PPP1R11: variants seen among roughly 807,000 people sequenced by gnomAD.
PPP1R11 encodes protein phosphatase 1 regulatory inhibitor subunit 11, also known as E3 ubiquitin-protein ligase PPP1R11.
In PPP1R11, 10 loss-of-function variants were observed where a neutral mutation model predicts 11.3. That is an observed-to-expected ratio of 0.88 (90% CI 0.55 to 1.50). The LOEUF is 1.50. PPP1R11 is among the 40% of genes most tolerant of loss of function. The pLI is 0.00. For synonymous variants in PPP1R11, 56 were observed against 62.3 expected, an observed-to-expected ratio of 0.90 and a Z score of 0.48; for missense variants, 114 against 179.1, an observed-to-expected ratio of 0.64 and a Z score of 2.07.
intron 2 of PPP1R11, among the ~76,000 whole-genome samples, 181 bp downstream of exon 2, chr6:30,068,879 T>G (rs971499078): frequency 6.6e-6 from 1 of 152,066 alleles, no homozygotes; most frequent in African/African-American, 2.4e-5. Flanking sequence ...ATTGCCTAGG[T>G]CTGACAGCAA....
rs1387029031 is a variant in PPP1R11, at chr6:30,070,085, G to C, written c.*779G>C. On this transcript the variant is annotated 3_prime_UTR_variant, in exon 3 of 3. Coordinates refer to ENST00000376772, the MANE Select transcript of PPP1R11 (RefSeq NM_021959.3). ...TGGGTCTCTGGGAGAGGAAGGAAGA[G>C]GGAGGGAGCAAAGAGATTGGGGTAT... is the stretch of plus-strand genomic sequence containing the variant. 1 of 152,268 alleles carries C rather than the reference G, an allele frequency of 6.6e-6. No homozygotes were observed. The highest frequency in any genetic ancestry group is 1.5e-5 in the Non-Finnish European group (1 of 68,098). The allele number at this position is 152,268 out of a possible 1,614,324, so 9.4% of individuals were successfully genotyped here.
upstream of PPP1R11, among the ~76,000 whole-genome samples, chr6:30,064,406 C>T (rs1293624352): frequency 6.6e-6 from 1 of 151,076 alleles, no homozygotes; most frequent in Non-Finnish European, 1.5e-5. Context: ...TTATAAGGTT[C>T]AGCTTATCCT....
Position 30,067,476 on chromosome 6 carries a change from G to C in PPP1R11, c.66G>C (p.Glu22Asp), listed in dbSNP as rs1765623799. The C allele has an allele frequency of 6.2e-7, 1 of 1,614,064 alleles. No homozygotes were observed. The highest frequency in any genetic ancestry group is 8.5e-7 in the Non-Finnish European group (1 of 1,179,918). The change falls in exon 1 of 3, where the codon GAG becomes GAC. Residue 22 changes from glutamate (E) to aspartate (D), a missense_variant. Transcript: ENST00000376772. ...VTETTVTVTT[E>D]PENRSLTIKL... ...AGACAACGGTTACCGTGACAACCGA[G>C]CCCGTGAGAAAGGCGGGGGGGCGGT...
upstream of PPP1R11, chr6:30,062,455 G>T: frequency 1.7e-6 from 1 of 603,020 alleles, no homozygotes. Flanking sequence ...GTGCAGTTCT[G>T]GTAATAGGGA....
upstream of PPP1R11, chr6:30,066,626 T>C (rs1765555102): frequency 6.6e-6 from 1 of 152,238 alleles, no homozygotes; most frequent in Non-Finnish European, 1.5e-5. Flanking sequence ...CTGAGCGTCT[T>C]ACGCGCCTCC....
chr6:30,064,341 C>T (rs577148868), upstream of PPP1R11, among the ~76,000 whole-genome samples: 59 of 150,586 alleles, frequency 3.9e-4, no homozygotes, highest in Non-Finnish European at 6.5e-4. Context: ...TTTTTCCCAG[C>T]GTGTGGCTTG....
chr6:30,061,683 A>G, the PPP1R11 span: 2 of 1,612,780 alleles, frequency 1.2e-6, no homozygotes, highest in East Asian at 4.5e-5. This position sits in a 1 kb window ranked among gnomAD's most constrained non-coding sequence, Gnocchi z 5.0. Context: ...AGAGGCTTGT[A>G]CGCAGGGGTC....
chr6:30,067,153 A>G (rs945963920), upstream of PPP1R11: 4 of 445,384 alleles, frequency 9.0e-6, no homozygotes, highest in Non-Finnish European at 1.6e-5. Context: ...CTGCGCTTTG[A>G]CGCATTTGGT....
chr6:30,067,420 G>C lies in PPP1R11; in HGVS notation c.10G>C (p.Ala4Pro). The change falls in exon 1 of 3, where the codon GCA (alanine) becomes CCA (proline). Residue 4 changes from alanine to proline, a missense_variant. Physicochemically the swap from Ala to Pro is conservative, Grantham distance 27. Transcript: ENST00000376772. ...GTCCTGAGCCTTAGCCATGGCCGAGGCAGGGGCTGGGCTGAGCGAGACCGT... is the reference window on the plus strand; with the variant it reads ...GTCCTGAGCCTTAGCCATGGCCGAGCCAGGGGCTGGGCTGAGCGAGACCGT... MAEAGAGLSETVTE... is the reference protein window; with the variant it reads MAEPGAGLSETVTE... 1 of 1,614,132 alleles carries C rather than the reference G, an allele frequency of 6.2e-7. No homozygotes were observed. Among genetic ancestry groups the C allele is most frequent in the Non-Finnish European group, 8.5e-7 (1 of 1,179,980 alleles).
chr6:30,064,383 A>C (rs992610925), upstream of PPP1R11, among the ~76,000 whole-genome samples: 27 of 151,350 alleles, frequency 1.8e-4, no homozygotes, highest in African/African-American at 6.5e-4. Context: ...AAATGAGCAG[A>C]AGTTTTAAGT....
chr6:30,067,447 A>G lies in PPP1R11; in HGVS notation c.37A>G (p.Thr13Ala). 6.2e-7 allele frequency: 1 copy of G among 1,614,142 alleles called. No homozygotes were observed. The highest frequency in any genetic ancestry group is 8.5e-7 in the Non-Finnish European group (1 of 1,180,020). The change falls in exon 1 of 3, where the codon ACT (threonine) becomes GCT (alanine). Residue 13 changes from threonine to alanine, a missense_variant. Physicochemically the swap from Thr to Ala is moderately conservative, Grantham distance 58 (BLOSUM62 0). Transcript: ENST00000376772. ...EAGAGLSETV[T>A]ETTVTVTTEP... ...AGGGGCTGGGCTGAGCGAGACCGTCACTGAGACAACGGTTACCGTGACAAC... is the reference window on the plus strand; with the variant it reads ...AGGGGCTGGGCTGAGCGAGACCGTCGCTGAGACAACGGTTACCGTGACAAC...
the PPP1R11 span, chr6:30,061,450 AGT>A: frequency 6.5e-7 from 1 of 1,547,454 alleles, no homozygotes; most frequent in East Asian, 2.3e-5. The surrounding 1 kb of genome is among the most constrained non-coding windows in gnomAD (Gnocchi z 5.0). Flanking sequence ...GGGACAGAAT[AGT>A]TACGACCTCT....
At position 30,068,596 on chromosome 6, in the gene PPP1R11, C is replaced by T. The variant is rs751716357; in HGVS notation, c.76C>T (p.Arg26Trp). The change falls in exon 2 of 3, where the codon CGG (arginine) becomes TGG (tryptophan). Residue 26 changes from arginine (R) to tryptophan (W), a missense_variant. Physicochemically the swap from Arg to Trp is moderately radical, Grantham distance 101. Transcript: ENST00000376772. ...TVTVTTEPEN[R>W]SLTIKLRKRK... ...CTCATCCTTAACCTTCTAGGAGAACCGGAGCCTTACCATCAAACTTCGGAA... is the reference window on the plus strand; with the variant it reads ...CTCATCCTTAACCTTCTAGGAGAACTGGAGCCTTACCATCAAACTTCGGAA... 1.9e-6 allele frequency: 3 copies of T among 1,611,774 alleles called. No homozygotes were observed. The highest frequency in any genetic ancestry group is 1.7e-6 in the Non-Finnish European group (2 of 1,179,658).
chr6:30,066,065 C>G (rs1328069994), upstream of PPP1R11, among the ~76,000 whole-genome samples: 1 of 152,158 alleles, frequency 6.6e-6, no homozygotes, highest in South Asian at 2.1e-4. Flanking sequence ...GCAGTCTTCC[C>G]CACTGTACGT....
In PPP1R11 at chr6:30,067,464, C is replaced by A; in HGVS notation, c.54C>A (p.Thr18=). Residue 18 remains threonine (T), a synonymous_variant, in exon 1 of 3, where the codon ACC becomes ACA. Transcript: ENST00000376772. ...AGACCGTCACTGAGACAACGGTTAC[C>A]GTGACAACCGAGCCCGTGAGAAAGG... ...LSETVTETTV[T]VTTEPENRSL... The A allele has an allele frequency of 6.2e-7, 1 of 1,614,012 alleles. No homozygotes were observed. The highest frequency in any genetic ancestry group is 8.5e-7 in the Non-Finnish European group (1 of 1,179,982).
upstream of PPP1R11, among the ~76,000 whole-genome samples, chr6:30,063,641 C>CT (rs1428437410): frequency 2.0e-5 from 3 of 151,882 alleles, no homozygotes; most frequent in African/African-American, 7.3e-5. This position sits in a 1 kb window ranked among gnomAD's most constrained non-coding sequence, Gnocchi z 4.1. Flanking sequence ...TCTCATAGTG[C>CT]TTTTTTTCTT....
chr6:30,062,051 G>A, upstream of PPP1R11: 1 of 1,592,372 alleles, frequency 6.3e-7, no homozygotes, highest in Non-Finnish European at 8.6e-7. Flanking sequence ...GGCTCCATAA[G>A]GTGGGTAGGA....
upstream of PPP1R11, among the ~76,000 whole-genome samples, chr6:30,066,304 G>T (rs1489443332): frequency 6.6e-6 from 1 of 152,130 alleles, no homozygotes; most frequent in East Asian, 1.9e-4. Context: ...TTCCTGTAGT[G>T]CACACATCTA....
intron 1 of PPP1R11, 93 bp downstream of exon 1, chr6:30,067,572 C>T: frequency 6.8e-7 from 1 of 1,461,728 alleles, no homozygotes; most frequent in Admixed American, 1.7e-5. Context: ...AGGAGCTAGG[C>T]CTAGGGATAT....
Sources: gnomAD v4.1 joint callset for allele counts (sites outside exome capture counted in the v4.1 genomes callset) on GRCh38, gnomAD v4.1.1 for gene constraint, Gnocchi (gnomAD v3.1) non-coding constraint, MANE v1.5 for transcripts, NCBI Gene and HGNC (gene_info 2026-07-23, HGNC 2026-07-21) for gene names.